FBXL13: variants seen among roughly 807,000 people sequenced by gnomAD.
The protein encoded by FBXL13 is F-box and leucine-rich repeat protein 13.
In FBXL13, 67 loss-of-function variants were observed where a neutral mutation model predicts 83.6. That is an observed-to-expected ratio of 0.80 (90% CI 0.66 to 0.98). The LOEUF (loss-of-function observed/expected upper bound fraction) is 0.98, where lower values mean the gene tolerates loss of function less well. Ranked by LOEUF, FBXL13 falls within the 50% of genes least tolerant of loss-of-function variation. FBXL13 has a pLI of 0.00. For synonymous variants in FBXL13, 272 were observed against 299.5 expected (o/e 0.91, Z 0.95); for missense variants, 822 against 866.5 (o/e 0.95, Z 0.64).
chr7:102,901,261 T>G (rs1441669437), intron 11 of FBXL13, among the ~76,000 whole-genome samples: 2 of 152,254 alleles, frequency 1.3e-5, no homozygotes, highest in Non-Finnish European at 1.5e-5. Flanking sequence ...TTGCAGTATT[T>G]ATTTTATTTT....
intron 1 of FBXL13, among the ~76,000 whole-genome samples, chr7:103,063,345 T>C (rs1798100137): frequency 6.6e-6 from 1 of 152,230 alleles, no homozygotes; most frequent in Non-Finnish European, 1.5e-5. Context: ...GCATTTACAT[T>C]GTATTAGATA....
chr7:102,957,161 G>T (rs954069882), intron 8 of FBXL13, among the ~76,000 whole-genome samples: 1 of 151,988 alleles, frequency 6.6e-6, no homozygotes, highest in Non-Finnish European at 1.5e-5. Flanking sequence ...TAACCAAAAC[G>T]GCATGGTACT....
At chr7:103,015,737 C>T (rs1792217782) in intron 6 of FBXL13, among the ~76,000 whole-genome samples, 1 of 139,256 alleles carries the variant, frequency 7.2e-6, no homozygotes, top group African/African-American at 2.7e-5. Flanking sequence ...GCAGAGGTTG[C>T]AGTAAGTCCA....
At chr7:102,973,292 A>G (rs773142908) in intron 6 of FBXL13, 6 of 503,068 alleles carry the variant, frequency 1.2e-5, no homozygotes, top group Non-Finnish European at 2.2e-5. Context: ...GCACAAGGCC[A>G]CTTGTACCAG....
intron 16 of FBXL13, among the ~76,000 whole-genome samples, chr7:102,868,315 C>T (rs1808043532): frequency 6.6e-6 from 1 of 152,112 alleles, no homozygotes. Flanking sequence ...CTCCCCTCAC[C>T]ACTCCCTCCC....
intron 17 of FBXL13, among the ~76,000 whole-genome samples, chr7:102,852,847 C>T (rs1303042847): frequency 2.7e-5 from 4 of 150,742 alleles, no homozygotes; most frequent in South Asian, 2.2e-4. Flanking sequence ...GGTATCTACC[C>T]GGAGGAAAAG....
intron 17 of FBXL13, among the ~76,000 whole-genome samples, chr7:102,833,623 G>A (rs868485854): frequency 1.3e-5 from 2 of 150,528 alleles, no homozygotes; most frequent in Admixed American, 1.3e-4. Context: ...GTAGAGATGG[G>A]GTTTCTCTAG....
At chr7:102,982,008 C>T (rs536413926) in intron 6 of FBXL13, among the ~76,000 whole-genome samples, 1 of 152,232 alleles carries the variant, frequency 6.6e-6, no homozygotes, top group South Asian at 2.1e-4. Flanking sequence ...TGGGTTACAG[C>T]CCAGCATTCA....
intron 11 of FBXL13, among the ~76,000 whole-genome samples, chr7:102,907,071 C>T (rs1356784009): frequency 6.6e-6 from 1 of 152,074 alleles, no homozygotes; most frequent in Non-Finnish European, 1.5e-5. Context: ...CTCCCGGGTT[C>T]AAACAATTCT....
intron 16 of FBXL13, among the ~76,000 whole-genome samples, chr7:102,875,090 C>T (rs776623948): frequency 1.3e-5 from 2 of 152,158 alleles, no homozygotes; most frequent in Non-Finnish European, 2.9e-5. Context: ...TTCTCTACTT[C>T]TTGTCACTCT....
At chr7:102,978,652 A>G in intron 6 of FBXL13, 1 of 233,138 alleles carries the variant, frequency 4.3e-6, no homozygotes, top group Non-Finnish European at 8.7e-6. Context: ...ACTCATTAAA[A>G]CAGCGTGTTG....
At chr7:102,931,266 A>T (rs6958533) in intron 9 of FBXL13, among the ~76,000 whole-genome samples, 3 of 152,320 alleles carry the variant, frequency 2.0e-5, no homozygotes, top group African/African-American at 7.2e-5. Flanking sequence ...AGAAACTGAA[A>T]CAAGTGAGGC....
intron 16 of FBXL13, among the ~76,000 whole-genome samples, chr7:102,869,169 A>T (rs1808176755): frequency 6.6e-6 from 1 of 152,206 alleles, no homozygotes; most frequent in Non-Finnish European, 1.5e-5. Flanking sequence ...GATAATAGCC[A>T]TTCTAACTGG....
intron 6 of FBXL13, chr7:102,973,247 T>G: frequency 3.2e-6 from 1 of 309,510 alleles, no homozygotes; most frequent in Non-Finnish European, 6.1e-6. Flanking sequence ...CTTGAAGGAA[T>G]GAGTAACTCC....
intron 17 of FBXL13, among the ~76,000 whole-genome samples, chr7:102,842,453 T>G (rs1803116423): frequency 6.6e-6 from 1 of 152,236 alleles, no homozygotes; most frequent in Non-Finnish European, 1.5e-5. Flanking sequence ...AAAATCAACT[T>G]TGGTTGAGCA....
chr7:102,855,436 T>C (rs1188263506), intron 16 of FBXL13, among the ~76,000 whole-genome samples: 3 of 152,162 alleles, frequency 2.0e-5, no homozygotes, highest in Non-Finnish European at 4.4e-5. Context: ...CTTTCAGCCA[T>C]AATTTTTTTT....
chr7:102,865,236 G>C (rs1807453247), intron 16 of FBXL13, among the ~76,000 whole-genome samples: 1 of 152,170 alleles, frequency 6.6e-6, no homozygotes, highest in Non-Finnish European at 1.5e-5. Context: ...GGAATTCTTT[G>C]AATCAGGGTT....
At chr7:103,040,355 G>C (rs1795534008) in intron 2 of FBXL13, among the ~76,000 whole-genome samples, 1 of 152,134 alleles carries the variant, frequency 6.6e-6, no homozygotes, top group Non-Finnish European at 1.5e-5. Context: ...AAGAGACTTA[G>C]ACTCCCACAC....
chr7:103,041,560 G>A (rs531535304), intron 2 of FBXL13, among the ~76,000 whole-genome samples: 129 of 152,306 alleles, frequency 8.5e-4, no homozygotes, highest in Non-Finnish European at 3.1e-4. Flanking sequence ...GAACATCAAT[G>A]TGAAAATCCT....
Sources: gnomAD v4.1 joint callset for allele counts (sites outside exome capture counted in the v4.1 genomes callset) on GRCh38, gnomAD v4.1.1 for gene constraint, MANE v1.5 for transcripts, NCBI Gene and HGNC (gene_info 2026-07-23, HGNC 2026-07-21) for gene names.